Variants in ETS1 observed in about 807,000 individuals in gnomAD.
The protein encoded by ETS1 is ETS proto-oncogene 1, transcription factor, also known as protein C-ets-1.
A neutral mutation model predicts 58.6 loss-of-function variants in ETS1; 15 were observed. The observed-to-expected ratio is 0.26, with a 90% CI of 0.17 to 0.39. The LOEUF (loss-of-function observed/expected upper bound fraction) is 0.39. ETS1 is among the 10% of genes least tolerant of loss of function. The pLI is 1.00. For synonymous variants in ETS1, 214 were observed against 218.2 expected, an observed-to-expected ratio of 0.98 and a Z score of 0.17; for missense variants, 417 against 610.5, an observed-to-expected ratio of 0.68 and a Z score of 3.34.
Position 128,473,398 on chromosome 11 carries a change from C to T in ETS1, c.1123+6793G>A, listed in dbSNP as rs190385308. On this transcript the variant is annotated intron_variant, in intron 8 of 9. Coordinates refer to ENST00000392668, the MANE Select transcript of ETS1 (RefSeq NM_001143820.2). ...TATACCCAGCACTGCTCCAAGTGCT[C>T]TCCATAAACTAATTCATTAGTTCTC... Among the ~76,000 whole-genome samples, 25 of 152,332 alleles carry T rather than the reference C, an allele frequency of 1.6e-4. No individual in the cohort carries two copies. In the East Asian group the frequency reaches 3.9e-3, roughly 23 times the overall value.
chr11:128,550,377 C>T (rs1185129725), intron 3 of ETS1, among the ~76,000 whole-genome samples: 1 of 152,216 alleles, frequency 6.6e-6, no homozygotes, highest in African/African-American at 2.4e-5. Flanking sequence ...CAACTTCAGT[C>T]CACAGCTGAT....
intron 3 of ETS1, among the ~76,000 whole-genome samples, chr11:128,510,860 T>C (rs941209559): frequency 1.2e-4 from 18 of 152,194 alleles, no homozygotes; most frequent in African/African-American, 4.3e-4. Context: ...CATTTGACCT[T>C]GGAATGCTCT....
Position 128,490,518 on chromosome 11 carries a change from T to C in ETS1, c.273A>G (p.Gln91=), listed in dbSNP as rs763825570. ...AACCACTGAAAGTAGCTTTTAATGC[T>C]TGAGACATCATTTCTTTGCTGCTTG... The part of the protein sequence containing the change: ...LTPSSKEMMS[Q]ALKATFSGFT... The change falls in exon 4 of 10, where the codon CAA becomes CAG. Residue 91 remains glutamine (Q), a synonymous_variant. Transcript: ENST00000392668. 1 of 1,612,884 alleles carries C rather than the reference T, an allele frequency of 6.2e-7. No homozygotes were observed. The highest frequency in any genetic ancestry group is 1.3e-5 in the African/African-American group (1 of 75,020).
At chr11:128,564,768 G>A (rs1334473764) in intron 2 of ETS1, among the ~76,000 whole-genome samples, 1 of 152,068 alleles carries the variant, frequency 6.6e-6, no homozygotes, top group Non-Finnish European at 1.5e-5. Flanking sequence ...GGTACCATGG[G>A]TGACAGCTTT....
chr11:128,522,182 A>T, intron 3 of ETS1: 1 of 1,255,810 alleles, frequency 8.0e-7, no homozygotes, highest in Non-Finnish European at 1.0e-6. Flanking sequence ...CTCCAGGGGA[A>T]GTTGGCACTT....
At chr11:128,538,816 C>T (rs1351983580) in intron 3 of ETS1, among the ~76,000 whole-genome samples, 1 of 151,862 alleles carries the variant, frequency 6.6e-6, no homozygotes, top group East Asian at 1.9e-4. Flanking sequence ...ACTCAGGTAT[C>T]CTCAAAATAC....
intron 8 of ETS1, among the ~76,000 whole-genome samples, chr11:128,471,653 T>C (rs1862190843): frequency 6.6e-6 from 1 of 152,182 alleles, no homozygotes; most frequent in Non-Finnish European, 1.5e-5. Context: ...TCACCAGAGA[T>C]GGGTTAGGTT....
At chr11:128,497,856 G>T (rs1316978777) in intron 3 of ETS1, among the ~76,000 whole-genome samples, 1 of 152,146 alleles carries the variant, frequency 6.6e-6, no homozygotes, top group Non-Finnish European at 1.5e-5. Context: ...GAAACCCAGA[G>T]AGGCTCTTCC....
intron 3 of ETS1, among the ~76,000 whole-genome samples, chr11:128,499,380 C>T (rs980160682): frequency 1.3e-5 from 2 of 151,870 alleles, no homozygotes; most frequent in African/African-American, 4.8e-5. Flanking sequence ...TTTTAGAAAG[C>T]ATTTTCTTGA....
At chr11:128,475,421 G>A (rs1051415966) in intron 8 of ETS1, among the ~76,000 whole-genome samples, 1 of 152,208 alleles carries the variant, frequency 6.6e-6, no homozygotes, top group Non-Finnish European at 1.5e-5. Flanking sequence ...AGAACTCTAA[G>A]GTTCTGGACT....
At chr11:128,497,960 C>A (rs576165359) in intron 3 of ETS1, among the ~76,000 whole-genome samples, 1 of 148,040 alleles carries the variant, frequency 6.8e-6, no homozygotes, top group Non-Finnish European at 1.5e-5. Flanking sequence ...ATCTCCCACC[C>A]TAAACATTGG....
intron 3 of ETS1, among the ~76,000 whole-genome samples, chr11:128,516,071 C>T (rs1354065406): frequency 6.6e-6 from 1 of 152,164 alleles, no homozygotes; most frequent in Non-Finnish European, 1.5e-5. Flanking sequence ...ACCCTGCAGA[C>T]CTATGTCTTT....
At chr11:128,502,277 T>A (rs1216497950) in intron 3 of ETS1, among the ~76,000 whole-genome samples, 2 of 152,240 alleles carry the variant, frequency 1.3e-5, no homozygotes, top group East Asian at 3.9e-4. Context: ...AGCCTAGAGG[T>A]TCTCTTAAGC....
chr11:128,495,493 T>C (rs1862914884), intron 3 of ETS1, among the ~76,000 whole-genome samples: 1 of 152,228 alleles, frequency 6.6e-6, no homozygotes, highest in South Asian at 2.1e-4. Context: ...TGAGGCTTCC[T>C]TCCATATGAA....
At chr11:128,558,649 CAAAAAAAAAAA>C (rs201114905) in intron 2 of ETS1, among the ~76,000 whole-genome samples, 9 of 103,408 alleles carry the variant, frequency 8.7e-5, no homozygotes, top group Non-Finnish European at 1.4e-4. Flanking sequence ...ATATCCATCC[CAAAAAAAAAAA>C]AAAAAAAAAA....
chr11:128,522,953 T>C (rs1234606652), intron 3 of ETS1, among the ~76,000 whole-genome samples: 1 of 152,216 alleles, frequency 6.6e-6, no homozygotes, highest in Non-Finnish European at 1.5e-5. Flanking sequence ...GTAATGCTCC[T>C]GCGTTGGCAG....
intron 3 of ETS1, among the ~76,000 whole-genome samples, chr11:128,491,669 G>A (rs929031636): frequency 1.3e-5 from 2 of 152,242 alleles, no homozygotes; most frequent in Admixed American, 6.5e-5. Context: ...ATGAATGGAT[G>A]AGCAAGACAT....
intron 3 of ETS1, among the ~76,000 whole-genome samples, chr11:128,497,061 G>C (rs1862963111): frequency 6.6e-6 from 1 of 152,180 alleles, no homozygotes; most frequent in African/African-American, 2.4e-5. Flanking sequence ...AGACTCATAT[G>C]AGTTAGGAAA....
At chr11:128,471,936 G>A (rs141376565) in intron 8 of ETS1, among the ~76,000 whole-genome samples, 2 of 152,266 alleles carry the variant, frequency 1.3e-5, no homozygotes, top group African/African-American at 4.8e-5. Flanking sequence ...TCACTAGTTA[G>A]GTATAATAGA....
Sources: allele counts gnomAD v4.1 joint callset (sites outside exome capture counted in the v4.1 genomes callset), GRCh38; gene constraint gnomAD v4.1.1; transcripts MANE v1.5; gene names NCBI Gene and HGNC (gene_info 2026-07-23, HGNC 2026-07-21).